MED13L: variants seen among roughly 807,000 people sequenced by gnomAD.
MED13L encodes the protein mediator complex subunit 13L, also known as mediator of RNA polymerase II transcription subunit 13-like.
A neutral mutation model predicts 220.9 loss-of-function variants in MED13L; 7 were observed. The observed-to-expected ratio is 0.03, with a 90% CI of 0.02 to 0.06. MED13L has a LOEUF of 0.06. MED13L is among the 10% of genes least tolerant of loss of function. The pLI is 1.00. For missense variants in MED13L, 1,965 were observed against 2,760.5 expected (o/e 0.71, Z 6.46); for synonymous variants, 1,011 against 1,015.2 (o/e 1.00, Z 0.08).
At chr12:115,965,606 A>AT (rs1876098734) in intron 29 of MED13L, among the ~76,000 whole-genome samples, 1 of 152,220 alleles carries the variant, frequency 6.6e-6, no homozygotes, top group South Asian at 2.1e-4. Context: ...TAAAATTGGG[A>AT]TTAAAAGGTT....
chr12:116,262,828 C>A (rs1872601444), intron 1 of MED13L, among the ~76,000 whole-genome samples: 1 of 152,194 alleles, frequency 6.6e-6, no homozygotes, highest in South Asian at 2.1e-4. Flanking sequence ...GGTTGCAAAG[C>A]TCAGTTTCAC....
At chr12:116,213,053 G>A (rs1269062014) in intron 2 of MED13L, among the ~76,000 whole-genome samples, 1 of 152,140 alleles carries the variant, frequency 6.6e-6, no homozygotes, top group Non-Finnish European at 1.5e-5. Context: ...TCTTATGCGC[G>A]AAGAAAAGCC....
rs906208098 is a variant in MED13L, at chr12:116,253,759, T to G, written c.73-16054A>C. Among the ~76,000 whole-genome samples the G allele has an allele frequency of 1.1e-3, 153 of 136,472 alleles. 2 individuals are homozygous for G. The highest frequency in any genetic ancestry group is 4.2e-3 in the African/African-American group (149 of 35,862). The allele number at this position is 136,472 out of a possible 152,430, so 89.5% of individuals were successfully genotyped here. A position where few individuals can be genotyped will look rare whatever the true frequency, so the allele number is the denominator to read the frequency against. ...CACCTTCACGGTTTTTTTTGTTTTT[T>G]TTTTTTTTTTTTTTTTTTTTGAGAC... is the stretch of plus-strand genomic sequence containing the variant. On this transcript the variant is annotated intron_variant, in intron 1 of 30. Coordinates refer to ENST00000281928, the MANE Select transcript of MED13L (RefSeq NM_015335.5).
rs537207957 is a variant in MED13L, at chr12:116,096,354, C to CAAAAAAAAAAAAAAAAA, written c.479+298_479+314dup. ...TGGGTGACAGAGTGAGACACAGCCT[C>CAAAAAAAAAAAAAAAAA]AAAAAAAAAAAAAAAAAAAAAAAAA... On this transcript the variant is annotated intron_variant, in intron 4 of 30. Transcript: ENST00000281928. Among the ~76,000 whole-genome samples, 43 of 23,562 alleles carry CAAAAAAAAAAAAAAAAA rather than the reference C, an allele frequency of 1.8e-3. 1 individual carries two copies. The highest frequency in any genetic ancestry group is 0.042 in the Middle Eastern group (1 of 24). The allele number at this position is 23,562 out of a possible 152,430, so 15.5% of individuals were successfully genotyped here.
chr12:116,078,358 C>A (rs1387384191), intron 4 of MED13L, among the ~76,000 whole-genome samples: 1 of 152,058 alleles, frequency 6.6e-6, no homozygotes, highest in Admixed American at 6.5e-5. Context: ...ATAATTTCTA[C>A]ATAATCATTT....
chr12:116,153,704 AT>A, intron 2 of MED13L, among the ~76,000 whole-genome samples: 1 of 152,182 alleles, frequency 6.6e-6, no homozygotes, highest in Non-Finnish European at 1.5e-5. Context: ...ACTTGCTTCT[AT>A]TTTAACCCAT....
intron 2 of MED13L, among the ~76,000 whole-genome samples, chr12:116,117,227 G>A (rs1001861822): frequency 3.9e-5 from 6 of 151,916 alleles, no homozygotes; most frequent in Non-Finnish European, 7.4e-5. Flanking sequence ...TGTCATTCTC[G>A]CAAAAGGCAA....
intron 1 of MED13L, among the ~76,000 whole-genome samples, chr12:116,262,247 A>G (rs1443316166): frequency 6.6e-6 from 1 of 152,224 alleles, no homozygotes; most frequent in Non-Finnish European, 1.5e-5. Context: ...CCATCATACA[A>G]TATTACCACC....
intron 2 of MED13L, among the ~76,000 whole-genome samples, chr12:116,220,588 A>G (rs911881979): frequency 9.9e-5 from 15 of 152,174 alleles, no homozygotes; most frequent in Non-Finnish European, 2.2e-4. Flanking sequence ...AATCCCAGCT[A>G]CTTGGGAGGC....
rs144646613 is a variant in MED13L at position 116,090,776 on chromosome 12, A to G, written c.479+5893T>C. On this transcript the variant is annotated intron_variant, in intron 4 of 30. Transcript: ENST00000281928. ...AGCTTAGTTTCAGTTATTTAGCAGG[A>G]ATTTAAAAAGGAATTACAATAATGG... 7.5e-3 allele frequency among the ~76,000 whole-genome samples: 1,149 copies of G among 152,324 alleles called. 11 individuals are homozygous for G. The highest frequency in any genetic ancestry group is 0.027 in the African/African-American group (1,110 of 41,570).
chr12:116,108,790 T>C (rs190241250), intron 3 of MED13L, among the ~76,000 whole-genome samples: 1 of 152,304 alleles, frequency 6.6e-6, no homozygotes, highest in Non-Finnish European at 1.5e-5. Context: ...TAATGAAATT[T>C]GAAAGAATAC....
chr12:116,111,514 TGAAAAAAAAAA>T lies in MED13L; in HGVS notation c.311-13_311-3del, dbSNP rs779769766. The T allele has an allele frequency of 3.2e-6, 5 of 1,564,262 alleles. No homozygotes were observed. Among genetic ancestry groups the T allele is most frequent in the Non-Finnish European group, 4.3e-6 (5 of 1,162,364 alleles). On this transcript the variant is annotated splice_region_variant and splice_polypyrimidine_tract_variant and intron_variant, in intron 2 of 30. Transcript: ENST00000281928. ...TTTCCCAGAGTCCTTCTTCCACAAC[TGAAAAAAAAAA>T]GAAAAAAGAAAAAAAAAGAACCAGT...
chr12:115,960,092 A>G lies in MED13L; in HGVS notation c.*1174T>C, dbSNP rs1875666308. The G allele has an allele frequency of 6.6e-6, 1 of 152,610 alleles. No individual in the cohort carries two copies. The highest frequency in any genetic ancestry group is 1.5e-5 in the Non-Finnish European group (1 of 68,018). 9.5% of individuals were successfully genotyped at this position (152,610 alleles called of 1,614,324 possible). The stretch of plus-strand genomic sequence containing the variant: ...TAATGCTTTAAAAAGGCATTTTTTT[A>G]AAAAGTCCCACCACAAAGGCTCAAC... On this transcript the variant is annotated 3_prime_UTR_variant, in exon 31 of 31. Transcript: ENST00000281928.
intron 2 of MED13L, among the ~76,000 whole-genome samples, chr12:116,166,432 A>C (rs928783838): frequency 1.3e-5 from 2 of 152,072 alleles, no homozygotes; most frequent in Non-Finnish European, 2.9e-5. Flanking sequence ...TCTACTAAAA[A>C]TACAAAAATT....
At chr12:116,064,498 G>A (rs1015623546) in intron 4 of MED13L, among the ~76,000 whole-genome samples, 1 of 152,106 alleles carries the variant, frequency 6.6e-6, no homozygotes, top group Non-Finnish European at 1.5e-5. Context: ...AAGTTTCTCT[G>A]TTCCTAAAAA....
At chr12:115,963,784 T>C (rs1875940302) in intron 29 of MED13L, among the ~76,000 whole-genome samples, 1 of 152,200 alleles carries the variant, frequency 6.6e-6, no homozygotes, top group Non-Finnish European at 1.5e-5. Flanking sequence ...GGAAATAGTC[T>C]AGCACACACA....
In MED13L at chr12:115,983,514, C is replaced by T. The variant is rs1877482949; in HGVS notation, c.4558G>A (p.Asp1520Asn). ...TTAGGTGGTATCAATAGGCTGCTAT[C>T]AAGCTGCAGAGTGGCTAAATAAGGT... is the stretch of plus-strand genomic sequence containing the variant. ...LAPYLATLQL[D>N]SSLLIPPKYQ... The change falls in exon 21 of 31, where the codon GAT (aspartate) becomes AAT (asparagine). Residue 1520 changes from aspartate to asparagine, a missense_variant. By Grantham distance (23) the Asp-to-Asn change is conservative (BLOSUM62 1). Transcript: ENST00000281928. 6.2e-7 allele frequency: 1 copy of T among 1,614,120 alleles called. No homozygotes were observed. Among genetic ancestry groups the T allele is most frequent in the East Asian group, 2.2e-5 (1 of 44,868 alleles).
chr12:116,174,307 A>G (rs1389315501), intron 2 of MED13L, among the ~76,000 whole-genome samples: 1 of 152,210 alleles, frequency 6.6e-6, no homozygotes, highest in Non-Finnish European at 1.5e-5. Flanking sequence ...ACAAATTAAA[A>G]GAAATTCAAT....
chr12:116,057,320 A>G (rs1270546094), intron 4 of MED13L, among the ~76,000 whole-genome samples: 1 of 152,134 alleles, frequency 6.6e-6, no homozygotes, highest in Non-Finnish European at 1.5e-5. Flanking sequence ...AGGATAACAA[A>G]AAGATCAGCA....
Sources: gnomAD v4.1 joint callset for allele counts (sites outside exome capture counted in the v4.1 genomes callset) on GRCh38, gnomAD v4.1.1 for gene constraint, MANE v1.5 for transcripts, NCBI Gene and HGNC (gene_info 2026-07-23, HGNC 2026-07-21) for gene names.